The following SORCS3 variants were observed in gnomAD, a reference collection of about 807,000 sequenced individuals.
The protein encoded by SORCS3 is VPS10 domain-containing receptor SorCS3.
SORCS3 carries 57 observed loss-of-function variants against 146.3 expected under a neutral mutation model. The ratio of observed to expected loss-of-function variants is 0.39; its 90% CI spans 0.31 to 0.49. The LOEUF (loss-of-function observed/expected upper bound fraction) is 0.49. SORCS3 is among the 20% of genes least tolerant of loss of function. SORCS3 has a pLI of 0.92. For missense variants in SORCS3, 1,341 were observed against 1,575.5 expected, an observed-to-expected ratio of 0.85 and a Z score of 2.52; for synonymous variants, 653 against 618.5, an observed-to-expected ratio of 1.06 and a Z score of -0.83.
At chr10:104,861,844 T>A (rs79910196) in intron 2 of SORCS3, among the ~76,000 whole-genome samples, 6,209 of 152,210 alleles carry the variant, frequency 0.041, 167 homozygotes, top group Middle Eastern at 0.071. Context: ...GTTGGCATGG[T>A]TAGTTCCCTC....
Position 105,029,708 on chromosome 10 carries a change from G to A in SORCS3, c.955-13347G>A, listed in dbSNP as rs1006244952. On this transcript the variant is annotated intron_variant, in intron 4 of 26. Transcript: ENST00000369701. ...TCTTCTTTAATGAGTCCTAGAAGAA[G>A]CTTATGACATTCCCTTCTTTAAGAA... is the stretch of plus-strand genomic sequence containing the variant. 2.6e-5 allele frequency among the ~76,000 whole-genome samples: 4 copies of A among 152,188 alleles called. No homozygotes were observed. The East Asian group carries it at 5.8e-4, about 22-fold the overall frequency.
At chr10:104,853,805 A>T (rs895466732) in intron 2 of SORCS3, among the ~76,000 whole-genome samples, 1 of 152,242 alleles carries the variant, frequency 6.6e-6, no homozygotes, top group African/African-American at 2.4e-5. Context: ...TCTAGTGTAC[A>T]GATAAATATG....
intron 1 of SORCS3, among the ~76,000 whole-genome samples, chr10:104,719,514 G>T (rs886982042): frequency 6.6e-6 from 1 of 152,180 alleles, no homozygotes; most frequent in Non-Finnish European, 1.5e-5. Flanking sequence ...ATGGATGGTG[G>T]ATGCCCAGGG....
chr10:105,026,785 C>T (rs983801703), intron 4 of SORCS3, among the ~76,000 whole-genome samples: 11 of 152,066 alleles, frequency 7.2e-5, no homozygotes, highest in Admixed American at 2.0e-4. Flanking sequence ...ATTGGGTACA[C>T]GTGGACACAA....
At chr10:104,704,880 A>G (rs148226521) in intron 1 of SORCS3, among the ~76,000 whole-genome samples, 27 of 152,026 alleles carry the variant, frequency 1.8e-4, no homozygotes, top group Non-Finnish European at 3.2e-4. Context: ...CTCCCCCTCT[A>G]CTTTGCCTTG....
chr10:104,940,240 T>TA (rs1564717987), intron 3 of SORCS3, among the ~76,000 whole-genome samples: 16 of 10,286 alleles, frequency 1.6e-3, no homozygotes, highest in Non-Finnish European at 2.6e-3. Context: ...ATATATATAT[T>TA]TTTTTTTTTT....
At position 105,137,601 on chromosome 10, in the gene SORCS3, T is replaced by C. The variant is rs560939195; in HGVS notation, c.1213-1796T>C. ...GGCAGGTGAGGAGCACAGAGGTCTA[T>C]GCAAATTGTTGTTAAAAGTCTAGTT... On this transcript the variant is annotated intron_variant, in intron 7 of 26. Transcript: ENST00000369701. Among the ~76,000 whole-genome samples the C allele has an allele frequency of 1.6e-4, 24 of 152,300 alleles. No homozygotes were observed. In the South Asian group the frequency reaches 3.9e-3, roughly 25 times the overall value.
chr10:104,657,796 G>A (rs2015651111), intron 1 of SORCS3, among the ~76,000 whole-genome samples: 1 of 151,982 alleles, frequency 6.6e-6, no homozygotes, highest in Admixed American at 6.6e-5. Context: ...CACTTGAAGG[G>A]GTGAGAAATA....
At position 105,255,815 on chromosome 10, in the gene SORCS3, G is replaced by A; in HGVS notation, c.3337+14G>A. ...AGCTGACGTTAGGTGAGTGCCACTG[G>A]GAACTGGGGAAATGGGAAAGAGGAT... On this transcript the variant is annotated intron_variant, in intron 24 of 26. Transcript: ENST00000369701. 1.3e-6 allele frequency: 2 copies of A among 1,579,850 alleles called. No individual in the cohort carries two copies. The highest frequency in any genetic ancestry group is 8.7e-7 in the Non-Finnish European group (1 of 1,150,802).
chr10:105,087,333 T>TG (rs1238329671), intron 5 of SORCS3, among the ~76,000 whole-genome samples: 3 of 152,138 alleles, frequency 2.0e-5, no homozygotes, highest in Non-Finnish European at 4.4e-5. Flanking sequence ...ACTGTAGCCT[T>TG]GTAGTATGGT....
At chr10:105,237,046 C>T (rs754432558) in intron 20 of SORCS3, among the ~76,000 whole-genome samples, 34 of 152,104 alleles carry the variant, frequency 2.2e-4, no homozygotes, top group Non-Finnish European at 3.7e-4. Flanking sequence ...TTAATGGTGA[C>T]GAGAGGTATT....
intron 3 of SORCS3, among the ~76,000 whole-genome samples, chr10:104,967,590 A>G (rs1483879051): frequency 6.6e-6 from 1 of 152,094 alleles, no homozygotes; most frequent in Non-Finnish European, 1.5e-5. Flanking sequence ...GTCAAGAGGG[A>G]GGCAAATAAT....
At chr10:104,727,020 A>G (rs768401218) in intron 1 of SORCS3, among the ~76,000 whole-genome samples, 4 of 152,154 alleles carry the variant, frequency 2.6e-5, no homozygotes, top group African/African-American at 9.7e-5. Flanking sequence ...GTCCATCCAT[A>G]TGGTGCAGGC....
intron 23 of SORCS3, among the ~76,000 whole-genome samples, chr10:105,253,277 T>C (rs560571474): frequency 9.2e-4 from 140 of 152,316 alleles, no homozygotes; most frequent in African/African-American, 3.4e-3. Context: ...TTTCTGGGAC[T>C]ATGTGCCTCT....
intron 12 of SORCS3, among the ~76,000 whole-genome samples, chr10:105,165,228 G>A (rs1023201878): frequency 6.6e-6 from 1 of 152,042 alleles, no homozygotes; most frequent in Non-Finnish European, 1.5e-5. Flanking sequence ...TTCGTAGCTA[G>A]ATAACTATAA....
At chr10:104,814,513 G>C (rs1043695337) in intron 1 of SORCS3, among the ~76,000 whole-genome samples, 4 of 152,102 alleles carry the variant, frequency 2.6e-5, no homozygotes, top group Non-Finnish European at 4.4e-5. Flanking sequence ...TCCCGCCAAT[G>C]CATGTCTCTA....
At chr10:104,938,155 A>G (rs973721585) in intron 3 of SORCS3, among the ~76,000 whole-genome samples, 1 of 152,200 alleles carries the variant, frequency 6.6e-6, no homozygotes, top group Non-Finnish European at 1.5e-5. Context: ...TGGGAAAGAA[A>G]TACATCAGAG....
At chr10:104,782,538 T>G (rs2017387336) in intron 1 of SORCS3, among the ~76,000 whole-genome samples, 1 of 152,202 alleles carries the variant, frequency 6.6e-6, no homozygotes, top group Non-Finnish European at 1.5e-5. Flanking sequence ...TAACTACACC[T>G]TACAAAGGTC....
At chr10:104,788,080 T>C (rs1163677574) in intron 1 of SORCS3, among the ~76,000 whole-genome samples, 2 of 152,184 alleles carry the variant, frequency 1.3e-5, no homozygotes, top group Admixed American at 6.5e-5. Context: ...AGAGGGAGGC[T>C]TTTATTTAAT....
Sources: allele counts gnomAD v4.1 joint callset (sites outside exome capture counted in the v4.1 genomes callset), GRCh38; gene constraint gnomAD v4.1.1; transcripts MANE v1.5; gene names NCBI Gene and HGNC (gene_info 2026-07-23, HGNC 2026-07-21).